PIK3CB: variants seen among roughly 807,000 people sequenced by gnomAD.
PIK3CB encodes the protein phosphatidylinositol 4,5-bisphosphate 3-kinase catalytic subunit beta isoform.
In PIK3CB, 39 loss-of-function variants were observed where a neutral mutation model predicts 136.8. The observed-to-expected ratio is 0.29, with a 90% CI of 0.22 to 0.37. The LOEUF is 0.37. Ranked by LOEUF, PIK3CB falls within the 10% of genes least tolerant of loss-of-function variation. PIK3CB has a pLI of 1.00. For missense variants in PIK3CB, 868 were observed against 1,275.4 expected, an observed-to-expected ratio of 0.68 and a Z score of 4.87; for synonymous variants, 428 against 436.6, an observed-to-expected ratio of 0.98 and a Z score of 0.25.
chr3:138,747,035 A>G (rs975543138), intron 4 of PIK3CB, among the ~76,000 whole-genome samples: 1 of 119,950 alleles, frequency 8.3e-6, no homozygotes, highest in African/African-American at 3.1e-5. Flanking sequence ...TCTACAGTAC[A>G]TATCAAGCTA....
chr3:138,746,984 T>G (rs1180730519), intron 4 of PIK3CB, among the ~76,000 whole-genome samples: 7 of 143,800 alleles, frequency 4.9e-5, no homozygotes, highest in Non-Finnish European at 9.1e-5. Context: ...ACTGGATTGA[T>G]TTATCTCGAA....
At chr3:138,702,223 C>A (rs2044269436) in intron 12 of PIK3CB, among the ~76,000 whole-genome samples, 1 of 150,730 alleles carries the variant, frequency 6.6e-6, no homozygotes, top group African/African-American at 2.4e-5. Context: ...AGGTCCATGC[C>A]ACCACGCCCA....
intron 2 of PIK3CB, among the ~76,000 whole-genome samples, chr3:138,767,718 T>A (rs1306182919): frequency 6.6e-6 from 1 of 152,182 alleles, no homozygotes; most frequent in East Asian, 1.9e-4. Flanking sequence ...CAGGTGCCAG[T>A]ACGGGCACCA....
chr3:138,813,742 C>T (rs1322166723), intron 1 of PIK3CB, among the ~76,000 whole-genome samples: 1 of 152,076 alleles, frequency 6.6e-6, no homozygotes, highest in Non-Finnish European at 1.5e-5. Context: ...CTATACCAGG[C>T]ATTATGTCAA....
chr3:138,725,672 T>C (rs573150521), intron 8 of PIK3CB, among the ~76,000 whole-genome samples: 1 of 152,348 alleles, frequency 6.6e-6, no homozygotes, highest in East Asian at 1.9e-4. Context: ...TTTTTAGTTC[T>C]GAATTTTCCA....
intron 1 of PIK3CB, among the ~76,000 whole-genome samples, chr3:138,803,893 A>G (rs1336979713): frequency 6.6e-6 from 1 of 152,200 alleles, no homozygotes; most frequent in African/African-American, 2.4e-5. Flanking sequence ...TGACATTCCA[A>G]AGATGTGAAT....
chr3:138,683,309 G>A (rs1487055103), intron 18 of PIK3CB, among the ~76,000 whole-genome samples: 1 of 149,878 alleles, frequency 6.7e-6, no homozygotes, highest in East Asian at 2.0e-4. Context: ...AGCCAAGATC[G>A]TGCCATTGCA....
At chr3:138,719,910 A>G (rs545296182) in intron 8 of PIK3CB, among the ~76,000 whole-genome samples, 236 of 152,248 alleles carry the variant, frequency 1.6e-3, no homozygotes, top group African/African-American at 4.6e-3. Context: ...ACAAAAAAAA[A>G]GGGGGGTAGG....
At chr3:138,699,520 T>C (rs1019424836) in intron 12 of PIK3CB, among the ~76,000 whole-genome samples, 1 of 149,356 alleles carries the variant, frequency 6.7e-6, no homozygotes, top group Non-Finnish European at 1.5e-5. Flanking sequence ...AAAAGGATAA[T>C]GAGGTGGAGA....
At chr3:138,655,860 C>T (rs2043182969) in intron 23 of PIK3CB, among the ~76,000 whole-genome samples, 1 of 152,162 alleles carries the variant, frequency 6.6e-6, no homozygotes, top group African/African-American at 2.4e-5. Context: ...AGGTGGCAAC[C>T]CGCTCCTGAT....
intron 2 of PIK3CB, among the ~76,000 whole-genome samples, chr3:138,759,569 T>C (rs1334313302): frequency 6.6e-6 from 1 of 152,036 alleles, no homozygotes; most frequent in Non-Finnish European, 1.5e-5. Flanking sequence ...ACTTCACAAA[T>C]TATATATATG....
At chr3:138,828,812 G>T (rs1405447934) in intron 1 of PIK3CB, among the ~76,000 whole-genome samples, 2 of 151,960 alleles carry the variant, frequency 1.3e-5, no homozygotes, top group Non-Finnish European at 2.9e-5. Context: ...TTCTGAGACG[G>T]AGTTTCACTC....
chr3:138,730,536 C>T (rs1201959322), intron 8 of PIK3CB, among the ~76,000 whole-genome samples: 2 of 152,074 alleles, frequency 1.3e-5, no homozygotes, highest in Admixed American at 6.5e-5. Flanking sequence ...GATTCTATAT[C>T]GATACCTATA....
At chr3:138,687,921 AGAGATGT>A in intron 16 of PIK3CB, among the ~76,000 whole-genome samples, 1 of 152,328 alleles carries the variant, frequency 6.6e-6, no homozygotes, top group Non-Finnish European at 1.5e-5. Flanking sequence ...GGAAATAGGC[AGAGATGT>A]GAGATATATT....
intron 2 of PIK3CB, among the ~76,000 whole-genome samples, chr3:138,792,924 T>A (rs2046068962): frequency 6.6e-6 from 1 of 152,174 alleles, no homozygotes; most frequent in Non-Finnish European, 1.5e-5. Context: ...ATTACACGTG[T>A]GTGCCACCAC....
chr3:138,775,076 C>A (rs2045842092), intron 2 of PIK3CB, among the ~76,000 whole-genome samples: 1 of 152,194 alleles, frequency 6.6e-6, no homozygotes, highest in East Asian at 1.9e-4. Context: ...GCTTTCATTT[C>A]TCCCTCACTA....
intron 4 of PIK3CB, among the ~76,000 whole-genome samples, chr3:138,752,841 T>A (rs1335065094): frequency 6.6e-6 from 1 of 152,204 alleles, no homozygotes; most frequent in Non-Finnish European, 1.5e-5. Flanking sequence ...GAATTTTAGA[T>A]AAACAATGAA....
chr3:138,710,722 A>G (rs923752431), intron 10 of PIK3CB, among the ~76,000 whole-genome samples: 1 of 152,184 alleles, frequency 6.6e-6, no homozygotes, highest in African/African-American at 2.4e-5. Context: ...TTTGAGTAGT[A>G]TTTGAGAAAT....
chr3:138,800,544 AG>A (rs201592691), intron 1 of PIK3CB, among the ~76,000 whole-genome samples: 2,123 of 145,238 alleles, frequency 0.015, 46 homozygotes, highest in Middle Eastern at 0.049. Flanking sequence ...CTCAAACTCC[AG>A]GGCTCAAGCA....
Sources: gnomAD v4.1 joint callset for allele counts (sites outside exome capture counted in the v4.1 genomes callset) on GRCh38, gnomAD v4.1.1 for gene constraint, MANE v1.5 for transcripts, NCBI Gene and HGNC (gene_info 2026-07-23, HGNC 2026-07-21) for gene names.